Variants in FHDC1 observed in about 807,000 individuals in gnomAD.
The protein encoded by FHDC1 is FH2 domain-containing protein 1.
FHDC1 carries 25 observed loss-of-function variants against 52.6 expected under a neutral mutation model. The observed-to-expected ratio is 0.48, with a 90% CI of 0.35 to 0.66. FHDC1 has a LOEUF of 0.66. Among genes scored for constraint, FHDC1 ranks in the 30% least tolerant of loss-of-function variants. FHDC1 has a pLI of 0.01. For synonymous variants in FHDC1, 616 were observed against 581.5 expected (o/e 1.06, Z -0.85); for missense variants, 1,459 against 1,452.8 (o/e 1.00, Z -0.07).
chr4:152,915,063 T>TTGGAAA, the FHDC1 span, among the ~76,000 whole-genome samples: 10 of 152,170 alleles, frequency 6.6e-5, no homozygotes, highest in Admixed American at 5.2e-4. Flanking sequence ...TCCTAAATGA[T>TTGGAAA]TTCTGATTCT....
chr4:152,942,470 G>T (rs973626676), intron 1 of FHDC1, among the ~76,000 whole-genome samples: 21 of 152,162 alleles, frequency 1.4e-4, no homozygotes. Flanking sequence ...CAAGGTGCAA[G>T]ATGCCTTTTT....
chr4:152,930,995 ACACTCTCT>A, the FHDC1 span, among the ~76,000 whole-genome samples: 19 of 139,596 alleles, frequency 1.4e-4, no homozygotes, highest in African/African-American at 4.8e-4. Context: ...ACACACACAC[ACACTCTCT>A]CTCTCTCTCT....
chr4:152,944,638 A>G (rs1176543847), intron 2 of FHDC1, among the ~76,000 whole-genome samples: 4 of 152,134 alleles, frequency 2.6e-5, no homozygotes, highest in Non-Finnish European at 5.9e-5. Flanking sequence ...GGGGCCCTTA[A>G]AGCTGATTGT....
intron 8 of FHDC1, among the ~76,000 whole-genome samples, chr4:152,963,808 G>T: frequency 3.5e-5 from 2 of 56,852 alleles, no homozygotes; most frequent in Admixed American, 2.6e-4. Flanking sequence ...TTTTTTGACT[G>T]GATCTCTATA....
rs1739606214 is a variant in FHDC1, at chr4:152,942,627, T to G, written c.-130-301T>G. On this transcript the variant is annotated intron_variant, in intron 1 of 11. Transcript: ENST00000511601. ...AACTAGTTAGTAAACAAGTAGTTTA[T>G]TCATAAAGTGAGCAATACTTACTGA... Among the ~76,000 whole-genome samples, 3 of 152,226 alleles carry G rather than the reference T, an allele frequency of 2.0e-5. No individual in the cohort carries two copies. In the South Asian group the frequency reaches 6.2e-4, roughly 32 times the overall value.
intron 2 of FHDC1, among the ~76,000 whole-genome samples, chr4:152,945,782 C>T (rs1485870484): frequency 6.6e-6 from 1 of 152,116 alleles, no homozygotes; most frequent in Middle Eastern, 3.2e-3. Context: ...AGCTTGTTGA[C>T]ATTAAGTACA....
At chr4:152,949,760 G>C (rs1376676682) in intron 2 of FHDC1, among the ~76,000 whole-genome samples, 2 of 152,182 alleles carry the variant, frequency 1.3e-5, no homozygotes, top group Non-Finnish European at 2.9e-5. Flanking sequence ...TGGCAGTTGC[G>C]GGGAAACTGT....
At chr4:152,930,148 G>A in the FHDC1 span, among the ~76,000 whole-genome samples, 1 of 152,172 alleles carries the variant, frequency 6.6e-6, no homozygotes, top group Non-Finnish European at 1.5e-5. Context: ...ATGCAGAAAC[G>A]TGTTCACCTG....
At chr4:152,960,539 AC>A (rs545811494) in intron 4 of FHDC1, 25 bp from the exon 5 acceptor site, 158 of 1,568,116 alleles carry the variant, frequency 1.0e-4, no homozygotes, top group African/African-American at 8.7e-4. Flanking sequence ...GATTTTATAT[AC>A]CCCCCCTTTC....
chr4:152,975,067 G>A lies in FHDC1; in HGVS notation c.1776G>A (p.Arg592=). ...TIACLEPAEV[R]HQDSSFAHKP... is the part of the protein sequence containing the mutation. ...CCTGCCTGGAGCCTGCAGAAGTGAGGCACCAGGACTCCAGCTTTGCACACA... is the reference window on the plus strand; with the variant it reads ...CCTGCCTGGAGCCTGCAGAAGTGAGACACCAGGACTCCAGCTTTGCACACA... The change falls in exon 12 of 12, where the codon AGG becomes AGA. Residue 592 remains arginine, a synonymous_variant. Coordinates refer to ENST00000511601, the MANE Select transcript of FHDC1 (RefSeq NM_001371116.1). The A allele has an allele frequency of 6.2e-7, 1 of 1,612,286 alleles. No homozygotes were observed. The highest frequency in any genetic ancestry group is 8.5e-7 in the Non-Finnish European group (1 of 1,179,624).
rs1739612412 is a variant in FHDC1 at position 152,942,859 on chromosome 4, C to T, written c.-130-69C>T. ...CTCATATGGGAGGATTGATACTAGC[C>T]TCTGAAGGGAAATGCTGATGCGAAA... On this transcript the variant is annotated intron_variant, in intron 1 of 11. Transcript: ENST00000511601. 5 of 589,406 alleles carry T rather than the reference C, an allele frequency of 8.5e-6. No individual in the cohort carries two copies. The South Asian group carries it at 1.2e-4, about 14-fold the overall frequency. The allele number at this position is 589,406 out of a possible 1,614,324, so 36.5% of individuals were successfully genotyped here.
At position 152,976,397 on chromosome 4, in the gene FHDC1, G is replaced by T. The variant is rs754237898; in HGVS notation, c.3106G>T (p.Ala1036Ser). ...CGAACTACCCCGTGTCCCGAGCTTT[G>T]CCCGGAACACAGTGGCCTCCTCCTC... ...PHELPRVPSF[A>S]RNTVASSSRS... The change falls in exon 12 of 12, where the codon GCC (alanine) becomes TCC (serine). Residue 1036 changes from alanine to serine, a missense_variant. Ala to Ser is a moderately conservative substitution (Grantham distance 99). This residue lies in a region of FHDC1 where 939 missense variants were observed against 854.5 expected (regional missense o/e 1.10). Coordinates refer to ENST00000511601, the MANE Select transcript of FHDC1 (RefSeq NM_001371116.1). 1.3e-5 allele frequency: 21 copies of T among 1,613,656 alleles called. No individual in the cohort carries two copies. The highest frequency in any genetic ancestry group is 3.3e-5 in the South Asian group (3 of 91,076).
chr4:152,942,428 A>G (rs1485953961), intron 1 of FHDC1, among the ~76,000 whole-genome samples: 5 of 152,170 alleles, frequency 3.3e-5, no homozygotes, highest in East Asian at 1.9e-4. Context: ...GGCCATTATT[A>G]TATCATCTCC....
At chr4:152,949,124 T>TAATAATAATAATAATAATAAGAAG in intron 2 of FHDC1, among the ~76,000 whole-genome samples, 1 of 74,700 alleles carries the variant, frequency 1.3e-5, no homozygotes, top group African/African-American at 5.0e-5. Context: ...ATAATAATAA[T>TAATAATAATAATAATAATAAGAAG]AAGAAGAAGA....
At chr4:152,969,857 G>A (rs1050209029) in intron 10 of FHDC1, among the ~76,000 whole-genome samples, 5 of 151,980 alleles carry the variant, frequency 3.3e-5, no homozygotes, top group Middle Eastern at 3.2e-3. Context: ...TTTTAGTAGC[G>A]ATGGGGTTTC....
At chr4:152,959,025 A>G (rs970175807) in intron 4 of FHDC1, among the ~76,000 whole-genome samples, 1 of 152,108 alleles carries the variant, frequency 6.6e-6, no homozygotes, top group Non-Finnish European at 1.5e-5. Context: ...CTTTGCAAAT[A>G]CTCCTTTCTT....
chr4:152,962,969 GTGTGTGTGTGTGTA>G lies in FHDC1; in HGVS notation c.922-50_922-37del, dbSNP rs1281842798. 34 of 1,519,934 alleles carry G rather than the reference GTGTGTGTGTGTGTA, an allele frequency of 2.2e-5. No individual in the cohort carries two copies. The African/African-American group carries it at 2.7e-4, about 12-fold the overall frequency. The allele number at this position is 1,519,934 out of a possible 1,614,324, so 94.2% of individuals were successfully genotyped here. A position where few individuals can be genotyped will look rare whatever the true frequency, so the allele number is the denominator to read the frequency against. Reference sequence around the variant, plus strand: ...TGTGTGTGTGTGTGTGTGTGTGTGTGTGTGTGTGTGTGTATGTATACATAATTTTTTCTTTTTGA... The same window carrying G: ...TGTGTGTGTGTGTGTGTGTGTGTGTGTGTATACATAATTTTTTCTTTTTGA... On this transcript the variant is annotated intron_variant, in intron 7 of 11. Transcript: ENST00000511601.
the FHDC1 span, among the ~76,000 whole-genome samples, chr4:152,928,671 G>T: frequency 3.9e-5 from 6 of 152,120 alleles, no homozygotes. Flanking sequence ...TGGAGCATGT[G>T]GGGGAAGAGA....
intron 2 of FHDC1, 111 bp downstream of exon 2, chr4:152,943,666 C>A: frequency 7.8e-7 from 1 of 1,278,990 alleles, no homozygotes; most frequent in Non-Finnish European, 1.1e-6. Context: ...TGAGATAATA[C>A]AAGCGAATCT....
Sources: gnomAD v4.1 joint callset for allele counts (sites outside exome capture counted in the v4.1 genomes callset) on GRCh38, gnomAD v4.1.1 for gene constraint, gnomAD v4.1.1 regional missense constraint, MANE v1.5 for transcripts, NCBI Gene and HGNC (gene_info 2026-07-23, HGNC 2026-07-21) for gene names.